RBMS3: variants seen among roughly 807,000 people sequenced by gnomAD.
RBMS3 encodes RNA binding motif single stranded interacting protein 3.
Under a neutral mutation model 66.8 loss-of-function variants are expected in RBMS3, and 27 were observed. The ratio of observed to expected loss-of-function variants is 0.40; its 90% confidence interval spans 0.30 to 0.56. The LOEUF (loss-of-function observed/expected upper bound fraction) is 0.56. Among genes scored for constraint, RBMS3 ranks in the 20% least tolerant of loss-of-function variants. The pLI, the probability that RBMS3 is intolerant of heterozygous loss-of-function variation, is 0.40. For missense variants in RBMS3, 513 were observed against 549.5 expected (o/e 0.93, Z 0.66); for synonymous variants, 188 against 183.0 (o/e 1.03, Z -0.22).
chr3:29,416,296 G>T (rs562983320), intron 1 of RBMS3, among the ~76,000 whole-genome samples: 160 of 152,142 alleles, frequency 1.1e-3, no homozygotes, highest in African/African-American at 1.9e-3. Flanking sequence ...AGGCTTTAGG[G>T]TCCCTCCTTT....
intron 8 of RBMS3, among the ~76,000 whole-genome samples, chr3:29,887,066 G>A (rs1259502469): frequency 6.6e-6 from 1 of 151,772 alleles, no homozygotes; most frequent in Non-Finnish European, 1.5e-5. Flanking sequence ...TATACCATAA[G>A]CACCCATTGG....
At chr3:29,327,959 G>A (rs1302184974) in intron 1 of RBMS3, among the ~76,000 whole-genome samples, 2 of 152,118 alleles carry the variant, frequency 1.3e-5, no homozygotes. Flanking sequence ...TTAGTTGTTG[G>A]GTGCCTTCCT....
chr3:29,554,235 G>C (rs2046271695), intron 3 of RBMS3, among the ~76,000 whole-genome samples: 1 of 152,082 alleles, frequency 6.6e-6, no homozygotes, highest in Non-Finnish European at 1.5e-5. Flanking sequence ...TTTTACAATA[G>C]TAATTTTAAT....
At chr3:29,799,984 C>T (rs527477022) in intron 6 of RBMS3, among the ~76,000 whole-genome samples, 1 of 152,306 alleles carries the variant, frequency 6.6e-6, no homozygotes, top group Admixed American at 6.5e-5. Context: ...GATTTATCGT[C>T]ACTGTTTGTC....
intron 4 of RBMS3, among the ~76,000 whole-genome samples, chr3:29,644,311 A>G (rs111858665): frequency 1.3e-5 from 2 of 152,326 alleles, no homozygotes; most frequent in African/African-American, 4.8e-5. Context: ...TTCAATCACA[A>G]TTTGCATCCT....
At chr3:29,809,607 C>T (rs12494156) in intron 6 of RBMS3, among the ~76,000 whole-genome samples, 6,825 of 151,764 alleles carry the variant, frequency 0.045, 236 homozygotes, top group Admixed American at 0.085. Flanking sequence ...TTTTTGTTTG[C>T]CTTAATAGAA....
chr3:29,908,094 C>A (rs1362468025), intron 10 of RBMS3, among the ~76,000 whole-genome samples: 1 of 151,540 alleles, frequency 6.6e-6, no homozygotes, highest in Non-Finnish European at 1.5e-5. Context: ...ACAAAAAATA[C>A]AAAAAAATTA....
At chr3:29,492,058 A>C (rs2043568550) in intron 3 of RBMS3, among the ~76,000 whole-genome samples, 1 of 152,102 alleles carries the variant, frequency 6.6e-6, no homozygotes, top group Admixed American at 6.5e-5. Flanking sequence ...GAAGAAGGCA[A>C]AGTGATCGTG....
chr3:29,760,481 G>A (rs567198989), intron 5 of RBMS3, among the ~76,000 whole-genome samples: 2 of 151,986 alleles, frequency 1.3e-5, no homozygotes, highest in Admixed American at 6.6e-5. Context: ...TAGCTCTCCT[G>A]GAATAAAAAT....
chr3:29,768,774 G>A (rs72846834), intron 6 of RBMS3, among the ~76,000 whole-genome samples: 3,054 of 152,004 alleles, frequency 0.02, 97 homozygotes, highest in African/African-American at 0.069. Flanking sequence ...ACATTCTACA[G>A]GGTTCCTTGA....
At chr3:29,318,884 G>A (rs2034845540) in intron 1 of RBMS3, among the ~76,000 whole-genome samples, 2 of 151,704 alleles carry the variant, frequency 1.3e-5, no homozygotes, top group Non-Finnish European at 2.9e-5. Flanking sequence ...GGGCATAAAG[G>A]GATCAAAATC....
chr3:29,578,968 A>T (rs2047228679), intron 3 of RBMS3, among the ~76,000 whole-genome samples: 1 of 143,554 alleles, frequency 7.0e-6, no homozygotes, highest in Admixed American at 7.0e-5. Context: ...CGCCCGGCTA[A>T]TTTTTTGTAT....
intron 1 of RBMS3, among the ~76,000 whole-genome samples, chr3:29,383,057 A>G (rs2038845246): frequency 6.6e-6 from 1 of 152,168 alleles, no homozygotes; most frequent in Non-Finnish European, 1.5e-5. Flanking sequence ...TATACCCTTC[A>G]TCTGTGCTCT....
intron 8 of RBMS3, among the ~76,000 whole-genome samples, chr3:29,893,642 C>T (rs1337670679): frequency 1.3e-5 from 2 of 151,420 alleles, no homozygotes; most frequent in Non-Finnish European, 1.5e-5. Context: ...AATATAAGAC[C>T]TAGAAGGAAT....
At chr3:29,764,183 C>T (rs142346903) in intron 6 of RBMS3, among the ~76,000 whole-genome samples, 92 of 151,932 alleles carry the variant, frequency 6.1e-4, no homozygotes, top group African/African-American at 2.1e-3. Context: ...ATCTGAAAAC[C>T]TAAAGTAGCT....
chr3:29,431,735 A>T (rs1359629073), intron 1 of RBMS3, among the ~76,000 whole-genome samples: 1 of 151,188 alleles, frequency 6.6e-6, no homozygotes, highest in Non-Finnish European at 1.5e-5. Context: ...TTTACTTTTT[A>T]TTTTTTCTGA....
Position 29,671,029 on chromosome 3 carries a change from C to T in RBMS3, c.400-68691C>T, listed in dbSNP as rs115126176. Among the ~76,000 whole-genome samples, 365 of 152,228 alleles carry T rather than the reference C, an allele frequency of 2.4e-3. 1 individual carries two copies. The highest frequency in any genetic ancestry group is 7.8e-3 in the African/African-American group (323 of 41,532). On this transcript the variant is annotated intron_variant, in intron 4 of 14. Transcript: ENST00000383767. ...GGGGCCGACTGACACCTCACAAGGC[C>T]GAGTGCCCCTCTGAGACGAAGCTTC...
At chr3:29,720,409 C>T (rs575443849) in intron 4 of RBMS3, among the ~76,000 whole-genome samples, 153 of 152,098 alleles carry the variant, frequency 1.0e-3, no homozygotes, top group African/African-American at 3.1e-3. Flanking sequence ...TACAAAGTGT[C>T]CATTAATCTT....
intron 4 of RBMS3, among the ~76,000 whole-genome samples, chr3:29,655,581 T>C (rs1015828566): frequency 2.6e-5 from 4 of 152,224 alleles, no homozygotes; most frequent in Non-Finnish European, 4.4e-5. Context: ...TAAACAAATC[T>C]ATTGTGCTGC....
Sources: gnomAD v4.1 joint callset for allele counts (sites outside exome capture counted in the v4.1 genomes callset) on GRCh38, gnomAD v4.1.1 for gene constraint, MANE v1.5 for transcripts, NCBI Gene and HGNC (gene_info 2026-07-23, HGNC 2026-07-21) for gene names.